The following WWOX variants were observed in gnomAD, a reference collection of about 807,000 sequenced individuals.
WWOX encodes the protein WW domain containing oxidoreductase.
In WWOX, 69 loss-of-function variants were observed where a neutral mutation model predicts 46.2. That is an observed-to-expected ratio of 1.49 (90% CI 1.23 to 1.82). The LOEUF (loss-of-function observed/expected upper bound fraction) is 1.82, where lower values mean the gene tolerates loss of function less well. Among genes scored for constraint, WWOX ranks in the 40% most tolerant of loss-of-function variants. The probability of loss-of-function intolerance (pLI) is 0.00; values close to 1 mark genes in which losing one functional copy is unlikely to be tolerated. For synonymous variants in WWOX, 359 were observed against 202.6 expected (o/e 1.77, Z -6.56); for missense variants, 919 against 542.6 (o/e 1.69, Z -6.89).
intron 5 of WWOX, among the ~76,000 whole-genome samples, chr16:78,374,749 A>T (rs948243034): frequency 3.3e-5 from 5 of 151,620 alleles, no homozygotes; most frequent in African/African-American, 1.2e-4. Context: ...ATGGGGTTTC[A>T]CCGTGTTAGC....
At chr16:78,934,111 A>G (rs1330747329) in intron 8 of WWOX, among the ~76,000 whole-genome samples, 1 of 151,936 alleles carries the variant, frequency 6.6e-6, no homozygotes, top group African/African-American at 2.4e-5. Context: ...CTAGGTGGGC[A>G]GATCACAAGG....
At chr16:78,909,942 ATCT>A (rs1567642216) in intron 8 of WWOX, among the ~76,000 whole-genome samples, 1 of 152,228 alleles carries the variant, frequency 6.6e-6, no homozygotes, top group Non-Finnish European at 1.5e-5. Context: ...CTGGGGTTTC[ATCT>A]TCTCTCCCTG....
intron 6 of WWOX, 136 bp downstream of exon 6, chr16:78,387,084 C>G: frequency 1.2e-6 from 1 of 832,104 alleles, no homozygotes; most frequent in Non-Finnish European, 2.0e-6. Context: ...TATATTGGCC[C>G]TGTTAAGGTG....
At chr16:78,311,887 G>C (rs2080252067) in intron 5 of WWOX, among the ~76,000 whole-genome samples, 1 of 152,314 alleles carries the variant, frequency 6.6e-6, no homozygotes, top group South Asian at 2.1e-4. Flanking sequence ...CTGGAGGTCA[G>C]AGGTCTGACA....
chr16:78,522,842 C>T (rs1021903759), intron 8 of WWOX, among the ~76,000 whole-genome samples: 1 of 152,192 alleles, frequency 6.6e-6, no homozygotes, highest in Non-Finnish European at 1.5e-5. Flanking sequence ...GAGGCCAAGG[C>T]AGGTGGATCA....
chr16:79,130,913 C>G (rs1168705734), intron 8 of WWOX, among the ~76,000 whole-genome samples: 5 of 152,184 alleles, frequency 3.3e-5, no homozygotes, highest in Non-Finnish European at 7.3e-5. Context: ...GGGGAAATGG[C>G]TGCATGCCAA....
chr16:78,536,332 T>TC (rs2151519710), intron 8 of WWOX, among the ~76,000 whole-genome samples: 1 of 152,034 alleles, frequency 6.6e-6, no homozygotes, highest in African/African-American at 2.4e-5. Flanking sequence ...ACTGTATCCC[T>TC]CCTGAAGGGT....
intron 8 of WWOX, among the ~76,000 whole-genome samples, chr16:79,060,506 G>C (rs943889323): frequency 1.3e-5 from 2 of 152,210 alleles, no homozygotes; most frequent in Non-Finnish European, 2.9e-5. Context: ...GTGCTTAGTA[G>C]CATCTTATTA....
chr16:78,836,158 C>T lies in WWOX; in HGVS notation c.1057-375450C>T, dbSNP rs1360647362. Among the ~76,000 whole-genome samples the T allele has an allele frequency of 2.0e-5, 3 of 151,642 alleles. No homozygotes were observed. The East Asian group carries it at 5.8e-4, about 29-fold the overall frequency. ...TGGCCTCTTCTTTGTAAGGGTATAA[C>T]AGCAGTGGTTAACATGCATTTTTTT... On this transcript the variant is annotated intron_variant, in intron 8 of 8. Transcript: ENST00000566780.
chr16:78,955,257 A>G (rs957950407), intron 8 of WWOX, among the ~76,000 whole-genome samples: 2 of 152,208 alleles, frequency 1.3e-5, no homozygotes, highest in Admixed American at 1.3e-4. Context: ...ATCTTCACAG[A>G]TGGACCTCCA....
At chr16:78,565,732 C>T (rs1264466195) in intron 8 of WWOX, among the ~76,000 whole-genome samples, 7 of 152,136 alleles carry the variant, frequency 4.6e-5, no homozygotes, top group African/African-American at 1.7e-4. Flanking sequence ...CTTCACGTTC[C>T]CTCATCCATA....
chr16:78,145,924 C>T (rs139013239), intron 4 of WWOX: 9 of 152,230 alleles, frequency 5.9e-5, no homozygotes, highest in Admixed American at 2.0e-4. Flanking sequence ...CAGTTCAGCT[C>T]GTGAGAATCG....
intron 8 of WWOX, among the ~76,000 whole-genome samples, chr16:78,793,805 G>C (rs374840897): frequency 1.3e-5 from 2 of 152,046 alleles, no homozygotes; most frequent in East Asian, 3.9e-4. Context: ...GCTGGGCAAG[G>C]TGGCTCACGT....
At chr16:79,071,680 C>T (rs1043275302) in intron 8 of WWOX, among the ~76,000 whole-genome samples, 2 of 152,222 alleles carry the variant, frequency 1.3e-5, no homozygotes, top group African/African-American at 4.8e-5. Flanking sequence ...TGGCCTCCTG[C>T]CCCGCATTCC....
At chr16:79,054,366 T>C (rs892498598) in intron 8 of WWOX, among the ~76,000 whole-genome samples, 1 of 152,222 alleles carries the variant, frequency 6.6e-6, no homozygotes, top group Non-Finnish European at 1.5e-5. Flanking sequence ...AATTTCAAGC[T>C]TTTGTACAGC....
intron 5 of WWOX, among the ~76,000 whole-genome samples, chr16:78,219,282 C>G (rs1378942867): frequency 6.6e-6 from 1 of 152,014 alleles, no homozygotes; most frequent in Non-Finnish European, 1.5e-5. Context: ...TAATATGAAT[C>G]TAGATGAACA....
intron 8 of WWOX, among the ~76,000 whole-genome samples, chr16:78,797,358 T>TAAAAAAAAAAAAAA (rs57291441): frequency 1.8e-4 from 21 of 116,616 alleles, no homozygotes; most frequent in African/African-American, 6.8e-4. Flanking sequence ...GTCAAAGTGG[T>TAAAAAAAAAAAAAA]AAAAAAAAAA....
intron 8 of WWOX, among the ~76,000 whole-genome samples, chr16:78,532,066 T>G (rs1471165656): frequency 1.3e-5 from 2 of 151,568 alleles, no homozygotes; most frequent in South Asian, 2.1e-4. Context: ...GTAGGGAGTT[T>G]TTTTTTTTTT....
At chr16:78,764,674 G>A (rs1001532434) in intron 8 of WWOX, among the ~76,000 whole-genome samples, 2 of 149,782 alleles carry the variant, frequency 1.3e-5, no homozygotes, top group African/African-American at 4.9e-5. Flanking sequence ...ACAAGTGGCA[G>A]TCTAAGCCTC....
Sources: allele counts gnomAD v4.1 joint callset (sites outside exome capture counted in the v4.1 genomes callset), GRCh38; gene constraint gnomAD v4.1.1; transcripts MANE v1.5; gene names NCBI Gene and HGNC (gene_info 2026-07-23, HGNC 2026-07-21).